Variants in ST8SIA4 observed in about 807,000 individuals in gnomAD.
ST8SIA4 encodes the protein ST8 alpha-N-acetyl-neuraminide alpha-2,8-sialyltransferase 4.
Under a neutral mutation model 33.9 loss-of-function variants are expected in ST8SIA4, and 15 were observed. The ratio of observed to expected loss-of-function variants is 0.44; its 90% confidence interval spans 0.30 to 0.68. ST8SIA4 has a LOEUF of 0.68. Ranked by LOEUF, ST8SIA4 falls within the 30% of genes least tolerant of loss-of-function variation. The probability of loss-of-function intolerance (pLI) is 0.10; values close to 1 mark genes in which losing one functional copy is unlikely to be tolerated. For missense variants in ST8SIA4, 321 were observed against 428.0 expected, an observed-to-expected ratio of 0.75 and a Z score of 2.21; for synonymous variants, 171 against 151.2, an observed-to-expected ratio of 1.13 and a Z score of -0.96.
chr5:100,837,994 T>G (rs2112421050), intron 4 of ST8SIA4, among the ~76,000 whole-genome samples: 1 of 152,180 alleles, frequency 6.6e-6, no homozygotes, highest in East Asian at 1.9e-4. Context: ...TTACCATATA[T>G]GTTTATACTT....
At chr5:100,878,773 A>AG (rs1481115902) in intron 3 of ST8SIA4, among the ~76,000 whole-genome samples, 1 of 152,216 alleles carries the variant, frequency 6.6e-6, no homozygotes, top group African/African-American at 2.4e-5. Flanking sequence ...CTAGCTATTA[A>AG]GTAACAAAAG....
chr5:100,886,294 A>G, intron 3 of ST8SIA4, 49 bp downstream of exon 3: 1 of 1,582,674 alleles, frequency 6.3e-7, no homozygotes, highest in South Asian at 1.2e-5. Flanking sequence ...ACCCCCAAGT[A>G]AAATATCTTT....
intron 4 of ST8SIA4, among the ~76,000 whole-genome samples, chr5:100,833,776 TTC>T (rs1751306092): frequency 6.6e-6 from 1 of 152,198 alleles, no homozygotes; most frequent in South Asian, 2.1e-4. Flanking sequence ...GAATGTCAAT[TTC>T]ATCAGCAGGC....
chr5:100,877,814 A>C (rs1246002075), intron 3 of ST8SIA4, among the ~76,000 whole-genome samples: 1 of 152,148 alleles, frequency 6.6e-6, no homozygotes, highest in East Asian at 1.9e-4. Flanking sequence ...CTATATTTAA[A>C]TTATGGTCAC....
chr5:100,849,542 G>C, intron 4 of ST8SIA4: 1 of 804,176 alleles, frequency 1.2e-6, no homozygotes, highest in Non-Finnish European at 1.5e-6. Flanking sequence ...CGCACTTTGG[G>C]AGGCTAAGGC....
At chr5:100,892,036 T>A (rs1561408545) in intron 2 of ST8SIA4, among the ~76,000 whole-genome samples, 1 of 152,106 alleles carries the variant, frequency 6.6e-6, no homozygotes, top group Admixed American at 6.6e-5. Context: ...TATTGATATA[T>A]CATGACACTA....
intron 3 of ST8SIA4, among the ~76,000 whole-genome samples, chr5:100,866,115 C>T (rs79227825): frequency 0.011 from 1,709 of 152,158 alleles, 34 homozygotes; most frequent in African/African-American, 0.04. Context: ...CATTTTAACA[C>T]TGGTTTTACT....
chr5:100,886,321 C>A, intron 3 of ST8SIA4, 22 bp downstream of exon 3: 1 of 1,599,492 alleles, frequency 6.3e-7, no homozygotes, highest in South Asian at 1.1e-5. Context: ...CTTACAATCT[C>A]AAAAAGCAGA....
Position 100,811,884 on chromosome 5 carries a change from GCTC to G in ST8SIA4, c.1040_1042del (p.Gly347del), listed in dbSNP as rs761430866. 6.2e-7 allele frequency: 1 copy of G among 1,613,446 alleles called. No homozygotes were observed. The highest frequency in any genetic ancestry group is 1.3e-5 in the African/African-American group (1 of 74,830). ...ACACTTTCCTGTTGTCAGTTTTAGAGCTCCTCTATTATGTAGCACATTTAATGT... is the reference window on the plus strand; with the variant it reads ...ACACTTTCCTGTTGTCAGTTTTAGAGCTCTATTATGTAGCACATTTAATGT... On this transcript the variant is annotated inframe_deletion, in exon 5 of 5. Transcript: ENST00000231461.
intron 2 of ST8SIA4, among the ~76,000 whole-genome samples, chr5:100,893,125 G>C (rs1304299676): frequency 6.6e-6 from 1 of 152,074 alleles, no homozygotes; most frequent in Non-Finnish European, 1.5e-5. Flanking sequence ...TGCCAGAAAA[G>C]TGAGGAAGAA....
intron 3 of ST8SIA4, among the ~76,000 whole-genome samples, chr5:100,881,888 C>A (rs1752433307): frequency 2.0e-5 from 3 of 152,208 alleles, no homozygotes; most frequent in African/African-American, 7.2e-5. Context: ...TCGCCTCCCA[C>A]CATAATTCTG....
At chr5:100,868,778 A>G (rs778250964) in intron 3 of ST8SIA4, among the ~76,000 whole-genome samples, 5 of 152,060 alleles carry the variant, frequency 3.3e-5, no homozygotes, top group Admixed American at 6.6e-5. Flanking sequence ...TGAAAAAGTC[A>G]TATTTGTTCT....
chr5:100,869,937 T>C (rs1366764865), intron 3 of ST8SIA4, among the ~76,000 whole-genome samples: 1 of 152,194 alleles, frequency 6.6e-6, no homozygotes, highest in Non-Finnish European at 1.5e-5. Flanking sequence ...CATGTTGGTG[T>C]GCTGCACCCA....
At chr5:100,860,081 G>A (rs1221262401) in intron 3 of ST8SIA4, among the ~76,000 whole-genome samples, 3 of 151,964 alleles carry the variant, frequency 2.0e-5, no homozygotes, top group Admixed American at 6.6e-5. Context: ...GAGTAAATAC[G>A]GTGTAAAACA....
intron 3 of ST8SIA4, among the ~76,000 whole-genome samples, chr5:100,862,012 T>C (rs1377968404): frequency 1.3e-5 from 2 of 152,214 alleles, no homozygotes; most frequent in Non-Finnish European, 2.9e-5. Flanking sequence ...TTGAAATGCA[T>C]GCAGGTAAGT....
intron 1 of ST8SIA4, among the ~76,000 whole-genome samples, chr5:100,898,810 TGAAA>T (rs1752834643): frequency 1.3e-5 from 2 of 152,230 alleles, no homozygotes; most frequent in Non-Finnish European, 2.9e-5. Flanking sequence ...ACAGCTGCAC[TGAAA>T]ACATTTATTG....
At chr5:100,852,293 C>T (rs1751720719) in intron 4 of ST8SIA4, among the ~76,000 whole-genome samples, 1 of 151,142 alleles carries the variant, frequency 6.6e-6, no homozygotes. Context: ...GGCTCTTTTT[C>T]GTATTTTTAG....
intron 4 of ST8SIA4, among the ~76,000 whole-genome samples, chr5:100,849,768 C>G (rs1751650293): frequency 6.6e-6 from 1 of 152,140 alleles, no homozygotes; most frequent in African/African-American, 2.4e-5. Context: ...GCACTCCAGC[C>G]TGTGCGTCAG....
chr5:100,872,893 A>G (rs948879753), intron 3 of ST8SIA4, among the ~76,000 whole-genome samples: 1 of 150,600 alleles, frequency 6.6e-6, no homozygotes, highest in African/African-American at 2.5e-5. Flanking sequence ...AAAAAAAAAA[A>G]AATCAAACAT....
Sources: gnomAD v4.1 joint callset for allele counts (sites outside exome capture counted in the v4.1 genomes callset) on GRCh38, gnomAD v4.1.1 for gene constraint, MANE v1.5 for transcripts, NCBI Gene and HGNC (gene_info 2026-07-23, HGNC 2026-07-21) for gene names.